Variants in ESR1 observed in about 807,000 individuals in gnomAD.
ESR1 encodes estrogen receptor.
ESR1 carries 12 observed loss-of-function variants against 52.7 expected under a neutral mutation model. That is an observed-to-expected ratio of 0.23 (90% CI 0.15 to 0.37). ESR1 has a LOEUF of 0.37. ESR1 is among the 10% of genes least tolerant of loss of function. The pLI is 1.00. For synonymous variants in ESR1, 305 were observed against 316.8 expected, an observed-to-expected ratio of 0.96 and a Z score of 0.39; for missense variants, 584 against 779.7, an observed-to-expected ratio of 0.75 and a Z score of 2.99.
chr6:151,955,569 A>T (rs916383009), intron 4 of ESR1, among the ~76,000 whole-genome samples: 1 of 152,200 alleles, frequency 6.6e-6, no homozygotes, highest in Non-Finnish European at 1.5e-5. Context: ...TTGCAAGAAG[A>T]TAAATCAATA....
intron 6 of ESR1, among the ~76,000 whole-genome samples, chr6:152,082,071 C>A (rs2049272078): frequency 6.6e-6 from 1 of 152,102 alleles, no homozygotes; most frequent in African/African-American, 2.4e-5. Flanking sequence ...GAAACTATTC[C>A]AATCAATAGA....
intron 5 of ESR1, among the ~76,000 whole-genome samples, chr6:152,042,599 A>G (rs745698807): frequency 6.6e-6 from 1 of 152,168 alleles, no homozygotes; most frequent in Non-Finnish European, 1.5e-5. Flanking sequence ...CCTCCCCTTC[A>G]TTCAAGGGGT....
At position 151,830,053 on chromosome 6, in the gene ESR1, G is replaced by A. The variant is rs34318706; in HGVS notation, c.453-12544G>A. 2.8e-3 allele frequency among the ~76,000 whole-genome samples: 432 copies of A among 152,282 alleles called. 1 individual carries two copies. The highest frequency in any genetic ancestry group is 9.7e-3 in the African/African-American group (405 of 41,550). ...ACATATTGGTCCTATCTTTTGAATA[G>A]GATCATAAATGAAATGACTTATGGA... On this transcript the variant is annotated intron_variant, in intron 1 of 7. Coordinates refer to ENST00000206249, the MANE Select transcript of ESR1 (RefSeq NM_000125.4).
intron 2 of ESR1, among the ~76,000 whole-genome samples, chr6:151,795,085 G>C (rs987536489): frequency 6.6e-6 from 1 of 152,074 alleles, no homozygotes; most frequent in African/African-American, 2.4e-5. Flanking sequence ...TTTAATCTTT[G>C]CAACAACTCT....
At position 151,984,209 on chromosome 6, in the gene ESR1, G is replaced by C. The variant is rs544218383; in HGVS notation, c.1097-27447G>C. 5.1e-4 allele frequency: 78 copies of C among 152,146 alleles called. 1 individual carries two copies. Among genetic ancestry groups the C allele is most frequent in the African/African-American group, 1.7e-3 (70 of 41,478 alleles). The allele number at this position is 152,146 out of a possible 1,614,324, so 9.4% of individuals were successfully genotyped here. ...GTATCTCATCATCCTTCTAGTTGTA[G>C]GAGGCTTTTCCTAACATCTAACCCA... On this transcript the variant is annotated intron_variant, in intron 4 of 7. Transcript: ENST00000206249.
At chr6:151,883,239 C>T (rs995126372) in intron 3 of ESR1, among the ~76,000 whole-genome samples, 1 of 151,906 alleles carries the variant, frequency 6.6e-6, no homozygotes, top group Non-Finnish European at 1.5e-5. Flanking sequence ...CCTGCTTCAA[C>T]TTCCCAAGTA....
intron 2 of ESR1, among the ~76,000 whole-genome samples, chr6:151,799,066 A>G (rs1167788758): frequency 6.6e-6 from 1 of 152,202 alleles, no homozygotes; most frequent in Non-Finnish European, 1.5e-5. Context: ...GACTCTAAGA[A>G]TAGTTCATTA....
At chr6:151,946,845 G>T (rs1364562956) in intron 4 of ESR1, among the ~76,000 whole-genome samples, 3 of 152,042 alleles carry the variant, frequency 2.0e-5, no homozygotes, top group Non-Finnish European at 4.4e-5. Flanking sequence ...CTCTACAGAT[G>T]GTTGTCAAAC....
intron 5 of ESR1, among the ~76,000 whole-genome samples, chr6:152,034,409 C>G (rs938882376): frequency 6.6e-6 from 1 of 152,144 alleles, no homozygotes; most frequent in Non-Finnish European, 1.5e-5. Context: ...ATATGACTTT[C>G]TCTTAAATCC....
At chr6:152,089,868 G>A (rs150991437) in intron 6 of ESR1, among the ~76,000 whole-genome samples, 1 of 152,286 alleles carries the variant, frequency 6.6e-6, no homozygotes, top group East Asian at 1.9e-4. Flanking sequence ...ATGAGTCATT[G>A]CACCCAGCCA....
chr6:152,017,889 T>C (rs2043285090), intron 5 of ESR1, among the ~76,000 whole-genome samples: 1 of 152,086 alleles, frequency 6.6e-6, no homozygotes, highest in African/African-American at 2.4e-5. Context: ...TTTGCGGATT[T>C]CTCAGTGAAG....
intron 2 of ESR1, among the ~76,000 whole-genome samples, chr6:151,754,659 G>T (rs980477816): frequency 6.6e-6 from 1 of 152,062 alleles, no homozygotes; most frequent in Non-Finnish European, 1.5e-5. Flanking sequence ...AACATACTTT[G>T]CCCTCCTGGT....
At chr6:151,948,084 T>C (rs762842322) in intron 4 of ESR1, among the ~76,000 whole-genome samples, 2 of 152,208 alleles carry the variant, frequency 1.3e-5, no homozygotes, top group Non-Finnish European at 2.9e-5. Flanking sequence ...TGTAATATCA[T>C]TGAGCTGAAG....
chr6:151,844,396 T>G (rs1784792542), intron 2 of ESR1, among the ~76,000 whole-genome samples: 1 of 152,174 alleles, frequency 6.6e-6, no homozygotes, highest in Non-Finnish European at 1.5e-5. Context: ...GAGGTATGGT[T>G]AGTAGATAGG....
chr6:152,030,554 A>G (rs1272715590), intron 5 of ESR1, among the ~76,000 whole-genome samples: 3 of 152,234 alleles, frequency 2.0e-5, no homozygotes, highest in Non-Finnish European at 4.4e-5. Context: ...CCATTACATA[A>G]TAGTAAAGGG....
chr6:152,024,605 C>A (rs1283585790), intron 5 of ESR1, among the ~76,000 whole-genome samples: 1 of 148,860 alleles, frequency 6.7e-6, no homozygotes, highest in Non-Finnish European at 1.5e-5. Context: ...TATATTTGTG[C>A]CTATTGGATG....
At chr6:152,062,044 G>T (rs1046283366) in intron 6 of ESR1, among the ~76,000 whole-genome samples, 1 of 152,050 alleles carries the variant, frequency 6.6e-6, no homozygotes, top group African/African-American at 2.4e-5. Flanking sequence ...TCGAATCTCT[G>T]GGCCTGACTT....
At chr6:151,755,976 A>T (rs1784254385) in intron 2 of ESR1, among the ~76,000 whole-genome samples, 1 of 152,040 alleles carries the variant, frequency 6.6e-6, no homozygotes, top group African/African-American at 2.4e-5. Context: ...TCCATTCAGT[A>T]ACAGTCAGAT....
intron 1 of ESR1, among the ~76,000 whole-genome samples, chr6:151,816,775 T>G (rs191902485): frequency 1.3e-5 from 2 of 152,272 alleles, no homozygotes; most frequent in Admixed American, 6.5e-5. Context: ...TGCGTGCAGC[T>G]GCTCATGCCT....
Sources: allele counts gnomAD v4.1 joint callset (sites outside exome capture counted in the v4.1 genomes callset), GRCh38; gene constraint gnomAD v4.1.1; transcripts MANE v1.5; gene names NCBI Gene and HGNC (gene_info 2026-07-23, HGNC 2026-07-21).